Variants in RPS6KC1 observed in about 807,000 individuals in gnomAD.
RPS6KC1 encodes inactive ribosomal protein S6 kinase delta-1.
RPS6KC1 carries 54 observed loss-of-function variants against 103.8 expected under a neutral mutation model. That is an observed-to-expected ratio of 0.52 (90% CI 0.42 to 0.65). The LOEUF is 0.65. RPS6KC1 is among the 30% of genes least tolerant of loss of function. The pLI is 0.00. For synonymous variants in RPS6KC1, 439 were observed against 438.7 expected (o/e 1.00, Z -0.01); for missense variants, 1,151 against 1,253.8 (o/e 0.92, Z 1.24).
the RPS6KC1 span, among the ~76,000 whole-genome samples, chr1:213,333,531 G>A: frequency 3.3e-5 from 5 of 152,178 alleles, no homozygotes; most frequent in Non-Finnish European, 7.3e-5. Flanking sequence ...CTCAGGGTCA[G>A]GTTTTCGTGC....
the RPS6KC1 span, among the ~76,000 whole-genome samples, chr1:213,539,838 C>G: frequency 6.9e-6 from 1 of 145,580 alleles, no homozygotes; most frequent in Non-Finnish European, 1.5e-5. Flanking sequence ...AAGCAAGTAT[C>G]ATAATAAAGC....
At chr1:213,437,910 A>G in the RPS6KC1 span, among the ~76,000 whole-genome samples, 120 of 151,896 alleles carry the variant, frequency 7.9e-4, no homozygotes, top group Non-Finnish European at 1.6e-3. Context: ...TTAGTAATAT[A>G]TTTTATATTT....
the RPS6KC1 span, among the ~76,000 whole-genome samples, chr1:213,746,715 G>C: frequency 2.6e-5 from 4 of 152,162 alleles, no homozygotes; most frequent in African/African-American, 7.2e-5. Flanking sequence ...ACTGGAAGCA[G>C]GGCAGCAGAG....
chr1:213,602,001 C>CTT, the RPS6KC1 span, among the ~76,000 whole-genome samples: 1 of 35,498 alleles, frequency 2.8e-5, no homozygotes, highest in African/African-American at 9.4e-5. Context: ...TCTTTCTTTT[C>CTT]TTTTCTTTTC....
the RPS6KC1 span, among the ~76,000 whole-genome samples, chr1:213,575,195 G>GTA: frequency 2.7e-3 from 407 of 150,828 alleles, no homozygotes; most frequent in African/African-American, 4.7e-3. Context: ...TGTCATGAGT[G>GTA]TATATATATA....
chr1:213,442,484 A>T, the RPS6KC1 span, among the ~76,000 whole-genome samples: 1 of 152,196 alleles, frequency 6.6e-6, no homozygotes, highest in East Asian at 1.9e-4. Context: ...TTGGGTTGGG[A>T]TCCCAAACCT....
At chr1:213,320,676 C>T in the RPS6KC1 span, among the ~76,000 whole-genome samples, 6 of 152,330 alleles carry the variant, frequency 3.9e-5, no homozygotes, top group African/African-American at 9.6e-5. Context: ...CTTCTCCCTC[C>T]GGGATCATCA....
the RPS6KC1 span, among the ~76,000 whole-genome samples, chr1:213,611,021 A>G: frequency 6.6e-6 from 1 of 152,150 alleles, no homozygotes; most frequent in South Asian, 2.1e-4. Context: ...TGCTTGTATA[A>G]TATCTTATCC....
chr1:213,238,294 T>C (rs2817984), intron 10 of RPS6KC1, among the ~76,000 whole-genome samples: 111,276 of 151,980 alleles, frequency 0.73, 41,621 homozygotes, highest in African/African-American at 0.88. Context: ...TTTTCACAAG[T>C]GGATACTGGG....
the RPS6KC1 span, among the ~76,000 whole-genome samples, chr1:213,354,017 A>T: frequency 6.6e-6 from 1 of 152,184 alleles, no homozygotes; most frequent in South Asian, 2.1e-4. Context: ...GGACCAAAAG[A>T]AAGTCCATTA....
the RPS6KC1 span, among the ~76,000 whole-genome samples, chr1:213,688,210 T>C: frequency 1.3e-5 from 2 of 152,168 alleles, no homozygotes; most frequent in African/African-American, 4.8e-5. Context: ...TCTTCCTCCG[T>C]CTCGGTCTGA....
At chr1:213,367,661 A>C in the RPS6KC1 span, among the ~76,000 whole-genome samples, 1 of 152,210 alleles carries the variant, frequency 6.6e-6, no homozygotes, top group East Asian at 1.9e-4. Context: ...GGTGTGAATA[A>C]AATGTCAGCT....
At chr1:213,610,806 G>T in the RPS6KC1 span, among the ~76,000 whole-genome samples, 2 of 152,284 alleles carry the variant, frequency 1.3e-5, no homozygotes, top group Non-Finnish European at 2.9e-5. Flanking sequence ...GTTTGCTCCG[G>T]TGGGACATAT....
the RPS6KC1 span, among the ~76,000 whole-genome samples, chr1:213,613,178 G>T: frequency 6.6e-6 from 1 of 152,172 alleles, no homozygotes; most frequent in South Asian, 2.1e-4. Context: ...GAACAAAGTT[G>T]GCCTTGTGAG....
the RPS6KC1 span, among the ~76,000 whole-genome samples, chr1:213,281,271 C>A: frequency 1.3e-5 from 2 of 152,208 alleles, no homozygotes; most frequent in East Asian, 3.8e-4. Context: ...GTGTAAGGCT[C>A]CGAGTAACTC....
the RPS6KC1 span, among the ~76,000 whole-genome samples, chr1:213,857,202 A>G: frequency 2.6e-5 from 4 of 152,156 alleles, no homozygotes; most frequent in African/African-American, 9.7e-5. Flanking sequence ...GGGCCTCCCA[A>G]TGGTGTGGCA....
At chr1:213,792,582 A>G in the RPS6KC1 span, among the ~76,000 whole-genome samples, 3 of 152,328 alleles carry the variant, frequency 2.0e-5, no homozygotes, top group African/African-American at 7.2e-5. Context: ...ATGCTAGGAA[A>G]ATGACAGTAT....
intron 3 of RPS6KC1, among the ~76,000 whole-genome samples, chr1:213,102,564 G>A (rs563339718): frequency 2.2e-4 from 33 of 152,172 alleles, no homozygotes; most frequent in Non-Finnish European, 4.4e-4. Context: ...TAACTGCAAA[G>A]CAAGCTGGCA....
the RPS6KC1 span, among the ~76,000 whole-genome samples, chr1:213,783,039 G>A: frequency 6.6e-6 from 1 of 152,288 alleles, no homozygotes; most frequent in South Asian, 2.1e-4. Flanking sequence ...TGCTTTTCAA[G>A]ACCAAGAGGT....
Sources: allele counts gnomAD v4.1 joint callset (sites outside exome capture counted in the v4.1 genomes callset), GRCh38; gene constraint gnomAD v4.1.1; transcripts MANE v1.5; gene names NCBI Gene and HGNC (gene_info 2026-07-23, HGNC 2026-07-21).